STARD6: variants seen among roughly 807,000 people sequenced by gnomAD.
STARD6 encodes the protein StAR related lipid transfer domain containing 6.
A neutral mutation model predicts 22.3 loss-of-function variants in STARD6; 21 were observed. The observed-to-expected ratio is 0.94, with a 90% CI of 0.67 to 1.35. STARD6 has a LOEUF of 1.35. STARD6 is among the 40% of genes most tolerant of loss of function. STARD6 has a pLI of 0.00. For synonymous variants in STARD6, 80 were observed against 88.1 expected, an observed-to-expected ratio of 0.91 and a Z score of 0.52; for missense variants, 269 against 266.9, an observed-to-expected ratio of 1.01 and a Z score of -0.05.
At chr18:54,353,241 TG>T (rs1375896109) in intron 4 of STARD6, among the ~76,000 whole-genome samples, 1 of 152,214 alleles carries the variant, frequency 6.6e-6, no homozygotes, top group Non-Finnish European at 1.5e-5. Context: ...TGTACTATCA[TG>T]AGCAATAAAT....
At chr18:54,333,264 A>G (rs1020472518) in intron 5 of STARD6, among the ~76,000 whole-genome samples, 14 of 152,158 alleles carry the variant, frequency 9.2e-5, no homozygotes, top group African/African-American at 2.7e-4. Flanking sequence ...CCTGGCTAAC[A>G]CGGTGAAACT....
At chr18:54,343,369 T>TGG (rs1555681272) in intron 4 of STARD6, among the ~76,000 whole-genome samples, 2 of 132,694 alleles carry the variant, frequency 1.5e-5, no homozygotes, top group Non-Finnish European at 3.2e-5. Flanking sequence ...GGGAGGGAGG[T>TGG]GGGGGGTCAG....
At chr18:54,342,432 TCCCTC>T (rs2088978960) in intron 4 of STARD6, among the ~76,000 whole-genome samples, 1 of 124,386 alleles carries the variant, frequency 8.0e-6, no homozygotes, top group Non-Finnish European at 1.8e-5. Flanking sequence ...CGTCTCCCTC[TCCCTC>T]TCCCTCTCCC....
chr18:54,342,013 T>C (rs2088973503), intron 4 of STARD6, among the ~76,000 whole-genome samples: 2 of 152,174 alleles, frequency 1.3e-5, no homozygotes, highest in Middle Eastern at 3.2e-3. Flanking sequence ...AATTGATAAA[T>C]GTTTAGCTAG....
intron 6 of STARD6, 73 bp from the exon 7 acceptor site, chr18:54,329,513 A>C: frequency 8.4e-7 from 1 of 1,189,266 alleles, no homozygotes; most frequent in South Asian, 1.4e-5. Context: ...GCATATTTTT[A>C]GAAACATATA....
chr18:54,345,664 C>T (rs905083362), intron 4 of STARD6, among the ~76,000 whole-genome samples: 3 of 152,122 alleles, frequency 2.0e-5, no homozygotes. Context: ...AAGACTCACA[C>T]TTCTTAATTT....
chr18:54,347,166 A>C (rs1218955713), intron 4 of STARD6, among the ~76,000 whole-genome samples: 3 of 152,150 alleles, frequency 2.0e-5, no homozygotes, highest in African/African-American at 7.2e-5. Context: ...GCATAAAAAC[A>C]ATTACAACAA....
intron 7 of STARD6, among the ~76,000 whole-genome samples, chr18:54,328,780 A>G (rs1298701401): frequency 1.3e-5 from 2 of 152,182 alleles, no homozygotes; most frequent in Non-Finnish European, 2.9e-5. Context: ...GAATTTGAGT[A>G]TATGCTTTTA....
chr18:54,325,499 T>C (rs1442903061), intron 7 of STARD6, among the ~76,000 whole-genome samples: 1 of 152,188 alleles, frequency 6.6e-6, no homozygotes, highest in East Asian at 1.9e-4. Context: ...TTTCTCACTT[T>C]TGGCTACTGT....
chr18:54,334,108 C>T (rs555959494), intron 5 of STARD6, among the ~76,000 whole-genome samples: 136 of 152,280 alleles, frequency 8.9e-4, no homozygotes, highest in African/African-American at 3.2e-3. Flanking sequence ...GCAATTTCAT[C>T]ACAATCCAGT....
At chr18:54,335,343 T>C (rs1783995437) in intron 5 of STARD6, among the ~76,000 whole-genome samples, 1 of 152,070 alleles carries the variant, frequency 6.6e-6, no homozygotes, top group African/African-American at 2.4e-5. Flanking sequence ...CACAGGCGCA[T>C]GCAACCACGC....
Position 54,327,920 on chromosome 18 carries a change from A to G in STARD6, c.479+1427T>C, listed in dbSNP as rs544871459. Among the ~76,000 whole-genome samples the G allele has an allele frequency of 5.9e-5, 9 of 151,676 alleles. No individual in the cohort carries two copies. The South Asian group carries it at 1.9e-3, about 31-fold the overall frequency. On this transcript the variant is annotated intron_variant, in intron 7 of 7. Transcript: ENST00000307844. ...TATCCAAGGTCAACCTGTTCCAGAA[A>G]TAAGAAAAATTCATAAGCTTTTAAT...
intron 4 of STARD6, among the ~76,000 whole-genome samples, chr18:54,345,725 A>G (rs540564926): frequency 1.3e-5 from 2 of 152,310 alleles, no homozygotes; most frequent in South Asian, 4.1e-4. Context: ...TATTGGCATA[A>G]GGACAGACAG....
At chr18:54,350,984 C>T (rs771901918) in intron 4 of STARD6, among the ~76,000 whole-genome samples, 2 of 151,918 alleles carry the variant, frequency 1.3e-5, no homozygotes, top group South Asian at 2.1e-4. Flanking sequence ...TGGTTCCATA[C>T]GAATTTTAGG....
intron 4 of STARD6, among the ~76,000 whole-genome samples, chr18:54,351,655 A>C (rs1277498688): frequency 6.6e-6 from 1 of 152,194 alleles, no homozygotes; most frequent in African/African-American, 2.4e-5. Flanking sequence ...TTAGTCAAAA[A>C]GAGATGCTGG....
At chr18:54,356,760 C>T (rs1657900) in intron 1 of STARD6, among the ~76,000 whole-genome samples, 9,993 of 152,214 alleles carry the variant, frequency 0.066, 377 homozygotes, top group African/African-American at 0.083. Context: ...TGTTAATCCC[C>T]GACCAGGGCT....
intron 5 of STARD6, among the ~76,000 whole-genome samples, chr18:54,335,816 A>G (rs1443085503): frequency 6.6e-6 from 1 of 152,122 alleles, no homozygotes; most frequent in Non-Finnish European, 1.5e-5. Context: ...CTGTTACCTC[A>G]TGCCAAGGTG....
At chr18:54,338,418 A>G (rs566872457) in intron 4 of STARD6, among the ~76,000 whole-genome samples, 4 of 152,294 alleles carry the variant, frequency 2.6e-5, no homozygotes, top group African/African-American at 7.2e-5. Flanking sequence ...CCAAGGAGTG[A>G]TCCATAGGAG....
At chr18:54,343,758 C>T (rs1163656597) in intron 4 of STARD6, among the ~76,000 whole-genome samples, 117 of 71,728 alleles carry the variant, frequency 1.6e-3, no homozygotes, top group Non-Finnish European at 2.5e-3. Flanking sequence ...CCGCCCCGTC[C>T]GGGAGGGAGG....
Sources: allele counts gnomAD v4.1 joint callset (sites outside exome capture counted in the v4.1 genomes callset), GRCh38; gene constraint gnomAD v4.1.1; transcripts MANE v1.5; gene names NCBI Gene and HGNC (gene_info 2026-07-23, HGNC 2026-07-21).